Variants in TRANK1 observed in about 807,000 individuals in gnomAD.
TRANK1 encodes the protein TPR and ankyrin repeat-containing protein 1.
A neutral mutation model predicts 266.0 loss-of-function variants in TRANK1; 198 were observed. The observed-to-expected ratio is 0.74, with a 90% confidence interval of 0.66 to 0.84. TRANK1 has a LOEUF of 0.84. Ranked by LOEUF, TRANK1 falls within the 40% of genes least tolerant of loss-of-function variation. The pLI, the probability that TRANK1 is intolerant of heterozygous loss-of-function variation, is 0.00. For missense variants in TRANK1, 3,326 were observed against 3,634.6 expected, an observed-to-expected ratio of 0.92 and a Z score of 2.18; for synonymous variants, 1,396 against 1,384.1, an observed-to-expected ratio of 1.01 and a Z score of -0.19.
chr3:36,884,334 T>C (rs1333937788), intron 8 of TRANK1, among the ~76,000 whole-genome samples: 3 of 152,120 alleles, frequency 2.0e-5, no homozygotes, highest in Non-Finnish European at 2.9e-5. Flanking sequence ...CATTCTCCAA[T>C]AGGAACCAGG....
At position 36,860,910 on chromosome 3, in the gene TRANK1, ACTGT is replaced by A. The variant is rs2079133190; in HGVS notation, c.1487_1490del (p.Asp496ValfsTer20). On this transcript the variant is annotated frameshift_variant, in exon 11 of 24. Transcript: ENST00000645898. LOFTEE classifies it high-confidence loss of function. ...TTAGCATCCAGTCACTCTCACCTCC[ACTGT>A]CTATCAGGCAGCCCAGAAGCTGTTT... 6.5e-7 allele frequency: 1 copy of A among 1,537,286 alleles called. No individual in the cohort carries two copies. The highest frequency in any genetic ancestry group is 8.7e-7 in the Non-Finnish European group (1 of 1,146,886).
chr3:36,851,317 A>G, intron 15 of TRANK1: 1 of 993,246 alleles, frequency 1.0e-6, no homozygotes, highest in Non-Finnish European at 1.2e-6. Flanking sequence ...GTCTCTATCT[A>G]TGAACTGACC....
At chr3:36,840,532 A>G (rs191157082) in intron 18 of TRANK1, among the ~76,000 whole-genome samples, 2 of 152,270 alleles carry the variant, frequency 1.3e-5, no homozygotes, top group Non-Finnish European at 1.5e-5. Context: ...AGTCCTGCCT[A>G]TTTACCCTCC....
intron 15 of TRANK1, chr3:36,850,909 T>C: frequency 1.0e-6 from 1 of 985,474 alleles, no homozygotes; most frequent in Non-Finnish European, 1.2e-6. Context: ...AAAGGAAGTC[T>C]GCAACAAGGA....
chr3:36,835,187 C>T lies in TRANK1; in HGVS notation c.5518-280G>A, dbSNP rs947618383. Among the ~76,000 whole-genome samples, 20 of 150,522 alleles carry T rather than the reference C, an allele frequency of 1.3e-4. No individual in the cohort carries two copies. The East Asian group carries it at 3.3e-3, about 25-fold the overall frequency. On this transcript the variant is annotated intron_variant, in intron 20 of 23. Coordinates refer to ENST00000645898, the MANE Select transcript of TRANK1 (RefSeq NM_001329998.2). ...ACAAAAAATTAGCCGGGCGTAGTGG[C>T]GGGCGCCTGTAGTCCCAGCTACTTG...
chr3:36,853,399 C>T (rs1166454441), intron 13 of TRANK1, among the ~76,000 whole-genome samples: 1 of 152,098 alleles, frequency 6.6e-6, no homozygotes, highest in Non-Finnish European at 1.5e-5. Context: ...ATTGCTATTA[C>T]CAAATAGTGA....
chr3:36,849,233 G>A (rs2078955343), intron 15 of TRANK1, among the ~76,000 whole-genome samples: 1 of 152,174 alleles, frequency 6.6e-6, no homozygotes, highest in African/African-American at 2.4e-5. Flanking sequence ...ACCGCCATGA[G>A]TATGAAAGAA....
rs566153222 is a variant in TRANK1 at position 36,842,143 on chromosome 3, G to A, written c.5280+479C>T. On this transcript the variant is annotated intron_variant, in intron 18 of 23. Transcript: ENST00000645898. ...CTGCTCAGGACCACTAACACGGCTT[G>A]TAACTGGAAATTGGTCAGTGCAGTG... Among the ~76,000 whole-genome samples the A allele has an allele frequency of 9.8e-5, 15 of 152,338 alleles. No homozygotes were observed. The South Asian group carries it at 1.9e-3, about 19-fold the overall frequency.
At chr3:36,928,235 TG>T (rs1053356859) in intron 1 of TRANK1, among the ~76,000 whole-genome samples, 17 of 152,130 alleles carry the variant, frequency 1.1e-4, no homozygotes, top group Non-Finnish European at 2.9e-5. Context: ...AAAGCAAAAA[TG>T]AAGAAAAATT....
In TRANK1 at chr3:36,832,228, G is replaced by A; in HGVS notation, c.7355C>T (p.Thr2452Ile). Residue 2452 changes from threonine to isoleucine, a missense_variant, in exon 22 of 24, where the codon ACA becomes ATA. Physicochemically the swap from Thr to Ile is moderately conservative, Grantham distance 89 (BLOSUM62 -1). Transcript: ENST00000645898. ...GAACTGGAACTCCAGGAGGGCTACT[G>A]TGTTTCCAATGCTGGGGATGAGTGG... ...KEPLIPSIGN[T>I]VALLEFQFIH... is the part of the protein sequence containing the mutation. 6.2e-7 allele frequency: 1 copy of A among 1,614,024 alleles called. No homozygotes were observed. The highest frequency in any genetic ancestry group is 1.3e-5 in the African/African-American group (1 of 75,046).
rs753431162 is a variant in TRANK1 at position 36,842,729 on chromosome 3, G to C, written c.5192-19C>G. The C allele has an allele frequency of 6.2e-7, 1 of 1,607,280 alleles. No individual in the cohort carries two copies. Among genetic ancestry groups the C allele is most frequent in the Admixed American group, 1.7e-5 (1 of 59,690 alleles). On this transcript the variant is annotated intron_variant, in intron 17 of 23. Transcript: ENST00000645898. Reference sequence around the variant, plus strand: ...TCAAAGTCTAAAATGAGAAAGAAAAGTGTGTTTGCTTCTCTGGGCTTTCTT... The same window carrying C: ...TCAAAGTCTAAAATGAGAAAGAAAACTGTGTTTGCTTCTCTGGGCTTTCTT...
intron 8 of TRANK1, among the ~76,000 whole-genome samples, chr3:36,882,523 G>A (rs2079546582): frequency 6.6e-6 from 1 of 152,178 alleles, no homozygotes; most frequent in African/African-American, 2.4e-5. Context: ...GAATCTAAAT[G>A]TAAAAAAATG....
intron 15 of TRANK1, chr3:36,850,877 C>G: frequency 1.0e-6 from 1 of 985,402 alleles, no homozygotes; most frequent in Non-Finnish European, 1.2e-6. Context: ...TAACATAGCC[C>G]CTTCAAGCAT....
chr3:36,895,670 T>C lies in TRANK1; in HGVS notation c.522A>G (p.Ile174Met). 1 of 1,536,296 alleles carries C rather than the reference T, an allele frequency of 6.5e-7. No homozygotes were observed. Among genetic ancestry groups the C allele is most frequent in the South Asian group, 1.2e-5 (1 of 83,754 alleles). ...ATAATCCTTTCTTTGCCAACTTTTC[T>C]ATTACAGATTGCCACACTTCTGTTG... ...GFPTEVWQSV[I>M]EKLAKKGLWH... The change falls in exon 5 of 24, where the codon ATA becomes ATG. Residue 174 changes from isoleucine to methionine, a missense_variant. Ile to Met is a conservative substitution (Grantham distance 10). Coordinates refer to ENST00000645898, the MANE Select transcript of TRANK1 (RefSeq NM_001329998.2).
Position 36,834,872 on chromosome 3 carries a change from C to G in TRANK1, c.5553G>C (p.Gln1851His). 6.2e-7 allele frequency: 1 copy of G among 1,613,102 alleles called. No homozygotes were observed. The highest frequency in any genetic ancestry group is 1.1e-5 in the South Asian group (1 of 90,940). The part of the protein sequence containing the change: ...RDAAYFYKRS[Q>H]CYKDAFRCFE... ...AGCATCTGAAAGCGTCTTTGTAGCA[C>G]TGGCTTCGCTTATAGAAATAGGCAG... Residue 1851 changes from glutamine (Q) to histidine (H), a missense_variant, in exon 21 of 24, where the codon CAG becomes CAC. Physicochemically the swap from Gln to His is conservative, Grantham distance 24. Coordinates refer to ENST00000645898, the MANE Select transcript of TRANK1 (RefSeq NM_001329998.2).
chr3:36,870,753 G>A (rs1232116029), intron 9 of TRANK1, among the ~76,000 whole-genome samples: 1 of 152,082 alleles, frequency 6.6e-6, no homozygotes, highest in Non-Finnish European at 1.5e-5. Context: ...TCTCATGCAT[G>A]CTTTTCTGCC....
At position 36,856,304 on chromosome 3, in the gene TRANK1, C is replaced by A; in HGVS notation, c.3418G>T (p.Glu1140Ter). 1 of 1,582,342 alleles carries A rather than the reference C, an allele frequency of 6.3e-7. No individual in the cohort carries two copies. Among genetic ancestry groups the A allele is most frequent in the East Asian group, 2.3e-5 (1 of 42,914 alleles). The change falls in exon 13 of 24, where the codon GAA (glutamate) becomes TAA (stop). Residue 1140 changes from glutamate to a stop codon, truncating the protein, a stop_gained. Coordinates refer to ENST00000645898, the MANE Select transcript of TRANK1 (RefSeq NM_001329998.2). LOFTEE classifies it high-confidence loss of function. Reference protein sequence around the residue: ...GEEEEEEEDEEEEDSIEVETV... With the variant: ...GEEEEEEEDE Reference sequence around the variant, plus strand: ...TCCACTTCAATAGAATCTTCCTCTTCCTCGTCCTCTTCCTCCTCCTCTTCC... The same window carrying A: ...TCCACTTCAATAGAATCTTCCTCTTACTCGTCCTCTTCCTCCTCCTCTTCC...
At position 36,915,370 on chromosome 3, in the gene TRANK1, T is replaced by C. The variant is rs968634993; in HGVS notation, c.24-6916A>G. Reference sequence around the variant, plus strand: ...TGTAGCATATCCATCATCTCAAACATTTATTATTTCTTTGTGTTGGGAATG... The same window carrying C: ...TGTAGCATATCCATCATCTCAAACACTTATTATTTCTTTGTGTTGGGAATG... On this transcript the variant is annotated intron_variant, in intron 1 of 23. Coordinates refer to ENST00000645898, the MANE Select transcript of TRANK1 (RefSeq NM_001329998.2). 7.2e-5 allele frequency among the ~76,000 whole-genome samples: 11 copies of C among 152,346 alleles called. No homozygotes were observed. In the Middle Eastern group the frequency reaches 0.01, roughly 141 times the overall value.
chr3:36,895,548 A>T (rs2125611865), intron 5 of TRANK1, 92 bp downstream of exon 5: 1 of 763,808 alleles, frequency 1.3e-6, no homozygotes, highest in East Asian at 3.1e-5. Flanking sequence ...CAAGATCAAC[A>T]AATAATAAAT....
Sources: allele counts gnomAD v4.1 joint callset (sites outside exome capture counted in the v4.1 genomes callset), GRCh38; gene constraint gnomAD v4.1.1; transcripts MANE v1.5; gene names NCBI Gene and HGNC (gene_info 2026-07-23, HGNC 2026-07-21).